The following CADM1 variants were observed in gnomAD, a reference collection of about 807,000 sequenced individuals.
The protein encoded by CADM1 is cell adhesion molecule 1.
CADM1 carries 15 observed loss-of-function variants against 53.1 expected under a neutral mutation model. The observed-to-expected ratio is 0.28, with a 90% CI of 0.19 to 0.44. CADM1 has a LOEUF of 0.44. CADM1 is among the 20% of genes least tolerant of loss of function. The pLI is 1.00. For missense variants in CADM1, 434 were observed against 611.3 expected, an observed-to-expected ratio of 0.71 and a Z score of 3.06; for synonymous variants, 281 against 243.0, an observed-to-expected ratio of 1.16 and a Z score of -1.45.
At chr11:115,191,596 T>C (rs547545278) in intron 9 of CADM1, among the ~76,000 whole-genome samples, 4 of 152,306 alleles carry the variant, frequency 2.6e-5, no homozygotes, top group East Asian at 1.9e-4. Flanking sequence ...GAAATGCCTA[T>C]ATCCGAGTCA....
intron 1 of CADM1, among the ~76,000 whole-genome samples, chr11:115,386,621 A>C (rs544122696): frequency 2.5e-4 from 38 of 151,340 alleles, no homozygotes; most frequent in Non-Finnish European, 4.7e-4. Context: ...CTTCTTATAA[A>C]GCCACCAGTT....
At chr11:115,302,898 G>C (rs189546047) in intron 1 of CADM1, among the ~76,000 whole-genome samples, 1 of 152,060 alleles carries the variant, frequency 6.6e-6, no homozygotes, top group East Asian at 1.9e-4. Flanking sequence ...TCTCTGTGCT[G>C]CTTCCAGGTT....
intron 1 of CADM1, among the ~76,000 whole-genome samples, chr11:115,453,630 C>G (rs1251111433): frequency 6.6e-6 from 1 of 152,090 alleles, no homozygotes; most frequent in Non-Finnish European, 1.5e-5. Context: ...TCCAGAGTAG[C>G]TGGAACTACA....
intron 5 of CADM1, among the ~76,000 whole-genome samples, chr11:115,225,755 T>G (rs1941583465): frequency 1.3e-5 from 2 of 152,196 alleles, no homozygotes; most frequent in African/African-American, 2.4e-5. Flanking sequence ...TTACTTAAAG[T>G]AAGATATTTA....
At chr11:115,304,806 C>T (rs1248484473) in intron 1 of CADM1, among the ~76,000 whole-genome samples, 1 of 151,928 alleles carries the variant, frequency 6.6e-6, no homozygotes, top group Non-Finnish European at 1.5e-5. Flanking sequence ...TGACAAGCTT[C>T]ACTTTTATTA....
intron 8 of CADM1, among the ~76,000 whole-genome samples, chr11:115,207,548 G>T (rs867494252): frequency 2.0e-5 from 3 of 151,988 alleles, no homozygotes; most frequent in South Asian, 2.1e-4. Flanking sequence ...GAGATTGATT[G>T]TGAGGGGGAG....
chr11:115,222,826 T>C (rs544208972), intron 5 of CADM1, among the ~76,000 whole-genome samples: 2 of 152,282 alleles, frequency 1.3e-5, no homozygotes, highest in Non-Finnish European at 2.9e-5. Context: ...GCTTTTTAAA[T>C]GGGGGTACAT....
chr11:115,286,697 C>T (rs534500866), intron 1 of CADM1, among the ~76,000 whole-genome samples: 13 of 152,270 alleles, frequency 8.5e-5, no homozygotes, highest in Admixed American at 5.9e-4. Flanking sequence ...TTGTTATGTT[C>T]TGCATAGGGC....
At chr11:115,357,392 G>A (rs1945904770) in intron 1 of CADM1, among the ~76,000 whole-genome samples, 1 of 152,120 alleles carries the variant, frequency 6.6e-6, no homozygotes, top group African/African-American at 2.4e-5. Flanking sequence ...TTCCCATTGT[G>A]TTGAAAGTGT....
intron 1 of CADM1, chr11:115,397,379 C>T: frequency 6.6e-6 from 1 of 152,146 alleles, no homozygotes; most frequent in East Asian, 1.9e-4. Flanking sequence ...AGCCCCTCTA[C>T]CTTAGCTAAC....
intron 1 of CADM1, among the ~76,000 whole-genome samples, chr11:115,490,402 T>A (rs1472337362): frequency 2.1e-4 from 31 of 147,208 alleles, no homozygotes; most frequent in African/African-American, 7.3e-4. Flanking sequence ...ATTTTTTTTT[T>A]TTTTTTTTTT....
chr11:115,370,920 T>C (rs376139286), intron 1 of CADM1, among the ~76,000 whole-genome samples: 2 of 152,158 alleles, frequency 1.3e-5, no homozygotes, highest in East Asian at 3.9e-4. Flanking sequence ...AAGACTTCCA[T>C]TTCTCACCAA....
intron 1 of CADM1, among the ~76,000 whole-genome samples, chr11:115,423,511 C>A (rs1473971483): frequency 6.6e-6 from 1 of 152,170 alleles, no homozygotes; most frequent in Non-Finnish European, 1.5e-5. Context: ...ACATTATAAG[C>A]ATTTCCAGGA....
chr11:115,323,663 C>T (rs11215488), intron 1 of CADM1, among the ~76,000 whole-genome samples: 24,471 of 151,974 alleles, frequency 0.16, 2,443 homozygotes, highest in African/African-American at 0.27. Context: ...GTTCACGAAA[C>T]GTTACAAAGG....
At chr11:115,269,852 C>T (rs1462134779) in intron 1 of CADM1, among the ~76,000 whole-genome samples, 4 of 152,154 alleles carry the variant, frequency 2.6e-5, no homozygotes, top group Admixed American at 1.3e-4. Context: ...AGGAAAGCTA[C>T]GTCCCTCTGG....
At chr11:115,381,743 T>C (rs973231697) in intron 1 of CADM1, among the ~76,000 whole-genome samples, 24 of 152,336 alleles carry the variant, frequency 1.6e-4, no homozygotes, top group African/African-American at 5.0e-4. Context: ...AAATAGTGAC[T>C]ACATGTGAGA....
intron 1 of CADM1, among the ~76,000 whole-genome samples, chr11:115,283,312 G>A (rs1943636635): frequency 6.6e-6 from 1 of 152,116 alleles, no homozygotes; most frequent in Admixed American, 6.5e-5. Flanking sequence ...AGGATAGGTT[G>A]GTAGAAGGAA....
intron 1 of CADM1, among the ~76,000 whole-genome samples, chr11:115,431,107 G>A (rs970413393): frequency 5.9e-5 from 9 of 152,036 alleles, no homozygotes; most frequent in Non-Finnish European, 1.2e-4. Context: ...GAACTACAAT[G>A]TCCTTCCTAA....
At chr11:115,431,104 A>C (rs1008675750) in intron 1 of CADM1, among the ~76,000 whole-genome samples, 3 of 152,182 alleles carry the variant, frequency 2.0e-5, no homozygotes, top group African/African-American at 7.2e-5. Flanking sequence ...TAAGAACTAC[A>C]ATGTCCTTCC....
Sources: gnomAD v4.1 joint callset for allele counts (sites outside exome capture counted in the v4.1 genomes callset) on GRCh38, gnomAD v4.1.1 for gene constraint, MANE v1.5 for transcripts, NCBI Gene and HGNC (gene_info 2026-07-23, HGNC 2026-07-21) for gene names.